The following CMPK1 variants were observed in gnomAD, a reference collection of about 807,000 sequenced individuals.
CMPK1 encodes the protein cytidine/uridine monophosphate kinase 1, also known as UMP-CMP kinase.
In CMPK1, 10 loss-of-function variants were observed where a neutral mutation model predicts 25.7. The observed-to-expected ratio is 0.39, with a 90% CI of 0.24 to 0.66. The LOEUF is 0.66. CMPK1 is among the 30% of genes least tolerant of loss of function. The pLI is 0.48. For synonymous variants in CMPK1, 106 were observed against 101.5 expected (o/e 1.04, Z -0.27); for missense variants, 199 against 280.5 (o/e 0.71, Z 2.08).
At chr1:47,351,042 G>T (rs1646519517) in intron 1 of CMPK1, among the ~76,000 whole-genome samples, 1 of 152,004 alleles carries the variant, frequency 6.6e-6, no homozygotes, top group African/African-American at 2.4e-5. Context: ...TATGATACTT[G>T]TCATTTTGTG....
At position 47,334,101 on chromosome 1, in the gene CMPK1, C is replaced by G; in HGVS notation, c.156C>G (p.Cys52Trp). The change falls in exon 1 of 6, where the codon TGC (cysteine) becomes TGG (tryptophan). Residue 52 changes from cysteine to tryptophan, a missense_variant. Cys to Trp is a radical substitution (Grantham distance 215). Transcript: ENST00000371873. ...GGPGAGKGTQ[C>W]ARIVEKYGYT... ...CCGGCGCCGGCAAGGGGACCCAGTG[C>G]GCCCGCATCGTCGAGGTGAGGCCCG... is the stretch of plus-strand genomic sequence containing the variant. 6.6e-7 allele frequency: 1 copy of G among 1,519,810 alleles called. No homozygotes were observed. Among genetic ancestry groups the G allele is most frequent in the African/African-American group, 1.4e-5 (1 of 70,528 alleles). 94.1% of individuals were successfully genotyped at this position (1,519,810 alleles called of 1,614,324 possible). A position where few individuals can be genotyped will look rare whatever the true frequency, so the allele number is the denominator to read the frequency against.
chr1:47,376,921 A>G lies in CMPK1; in HGVS notation c.*176A>G. The G allele has an allele frequency of 2.2e-6, 1 of 448,726 alleles. No homozygotes were observed. The highest frequency in any genetic ancestry group is 2.0e-5 in the African/African-American group (1 of 49,654). 27.8% of individuals were successfully genotyped at this position (448,726 alleles called of 1,614,324 possible). On this transcript the variant is annotated 3_prime_UTR_variant, in exon 6 of 6. Transcript: ENST00000371873. The stretch of plus-strand genomic sequence containing the variant: ...TGTTCTTTTTTTTGGTCACAGGAGT[A>G]GACAGTGAATTCAGGTTTAACTTCA...
intron 1 of CMPK1, among the ~76,000 whole-genome samples, chr1:47,350,000 T>A (rs1646511858): frequency 6.6e-6 from 1 of 152,174 alleles, no homozygotes; most frequent in African/African-American, 2.4e-5. Flanking sequence ...TAGATGGAGT[T>A]TCGCCATGTT....
At chr1:47,363,422 G>T (rs1646617043) in intron 1 of CMPK1, among the ~76,000 whole-genome samples, 1 of 152,104 alleles carries the variant, frequency 6.6e-6, no homozygotes, top group Non-Finnish European at 1.5e-5. Flanking sequence ...GAGGTCAGGA[G>T]TTCAAGACCA....
intron 1 of CMPK1, among the ~76,000 whole-genome samples, chr1:47,363,270 C>T (rs538704680): frequency 8.5e-5 from 13 of 152,206 alleles, no homozygotes; most frequent in African/African-American, 2.2e-4. Context: ...ATTGTAAAGT[C>T]GAAAAATCCT....
intron 1 of CMPK1, among the ~76,000 whole-genome samples, chr1:47,344,862 C>CT (rs1646471140): frequency 6.6e-6 from 1 of 151,660 alleles, no homozygotes; most frequent in African/African-American, 2.4e-5. Context: ...AGTGTAATGT[C>CT]TTTAAGGGTG....
In CMPK1 at chr1:47,333,934, G is replaced by C. The variant is rs768383518; in HGVS notation, c.-12G>C. ...CTGTCAGCTCCCTCAGCGTCCGGCC[G>C]AGGCGCGGTGTATGCTGAGCCGCTG... is the stretch of plus-strand genomic sequence containing the variant. On this transcript the variant is annotated 5_prime_UTR_variant, in exon 1 of 6. Transcript: ENST00000371873. The C allele has an allele frequency of 7.4e-7, 1 of 1,352,478 alleles. No individual in the cohort carries two copies. Among genetic ancestry groups the C allele is most frequent in the Non-Finnish European group, 9.7e-7 (1 of 1,036,242 alleles). The allele number at this position is 1,352,478 out of a possible 1,614,324, so 83.8% of individuals were successfully genotyped here.
At chr1:47,339,047 C>CTTTTTT (rs397965092) in intron 1 of CMPK1, among the ~76,000 whole-genome samples, 2 of 142,872 alleles carry the variant, frequency 1.4e-5, no homozygotes, top group African/African-American at 2.6e-5. Context: ...ACCCAGAAAA[C>CTTTTTT]TTTTTTTTTT....
chr1:47,334,082 C>G lies in CMPK1; in HGVS notation c.137C>G (p.Ala46Gly). The change falls in exon 1 of 6, where the codon GCC (alanine) becomes GGC (glycine). Residue 46 changes from alanine (A) to glycine (G), a missense_variant. By Grantham distance (60) the Ala-to-Gly change is moderately conservative (BLOSUM62 0). Transcript: ENST00000371873. ...LVVFVLGGPG[A>G]GKGTQCARIV... ...GTGTTCGTCCTCGGCGGCCCCGGCG[C>G]CGGCAAGGGGACCCAGTGCGCCCGC... The G allele has an allele frequency of 6.5e-7, 1 of 1,538,236 alleles. No homozygotes were observed. Among genetic ancestry groups the G allele is most frequent in the Non-Finnish European group, 8.8e-7 (1 of 1,141,476 alleles).
intron 1 of CMPK1, among the ~76,000 whole-genome samples, chr1:47,350,089 A>G (rs540398801): frequency 6.6e-6 from 1 of 152,292 alleles, no homozygotes; most frequent in East Asian, 1.9e-4. Context: ...TATAGGCATG[A>G]GCCATCTTGC....
At chr1:47,338,574 T>C (rs529927406) in intron 1 of CMPK1, among the ~76,000 whole-genome samples, 20 of 126,944 alleles carry the variant, frequency 1.6e-4, no homozygotes, top group African/African-American at 5.5e-4. Context: ...CCTCCCTCTC[T>C]CCTTCCCTCC....
intron 1 of CMPK1, among the ~76,000 whole-genome samples, chr1:47,349,013 G>A (rs539005216): frequency 9.2e-5 from 14 of 152,288 alleles, no homozygotes; most frequent in African/African-American, 3.4e-4. Context: ...AGTGGAAATG[G>A]TAATGTTTCA....
rs189322542 is a variant in CMPK1 at position 47,357,185 on chromosome 1, G to A, written c.172-11284G>A. 2.8e-3 allele frequency among the ~76,000 whole-genome samples: 425 copies of A among 151,526 alleles called. 3 individuals are homozygous for A. Among genetic ancestry groups the A allele is most frequent in the African/African-American group, 9.6e-3 (396 of 41,272 alleles). Reference sequence around the variant, plus strand: ...TCACCGTGTTAGCCAGGATGGTCTCGATCTTCTGACCTGGTGATCTGCCTG... The same window carrying A: ...TCACCGTGTTAGCCAGGATGGTCTCAATCTTCTGACCTGGTGATCTGCCTG... On this transcript the variant is annotated intron_variant, in intron 1 of 5. Transcript: ENST00000371873.
intron 1 of CMPK1, chr1:47,358,320 A>C: frequency 1.5e-6 from 1 of 688,350 alleles, no homozygotes; most frequent in South Asian, 1.5e-5. Context: ...GCTATGGTGC[A>C]TAGGCTGATC....
chr1:47,358,187 C>T, intron 1 of CMPK1: 1 of 407,320 alleles, frequency 2.5e-6, no homozygotes, highest in Non-Finnish European at 4.8e-6. Flanking sequence ...TTATAGCTTA[C>T]TGCCGCCTCT....
At chr1:47,370,118 C>T (rs1207200402) in intron 2 of CMPK1, among the ~76,000 whole-genome samples, 23 of 150,536 alleles carry the variant, frequency 1.5e-4, no homozygotes, top group African/African-American at 5.4e-4. Flanking sequence ...GGGGTTTCAC[C>T]GTGTTAGCCA....
At chr1:47,358,401 C>T (rs1444442802) in intron 1 of CMPK1, 1 of 1,271,494 alleles carries the variant, frequency 7.9e-7, no homozygotes, top group South Asian at 1.3e-5. Flanking sequence ...GCATGAGCCA[C>T]AGTGCGTAGT....
intron 1 of CMPK1, among the ~76,000 whole-genome samples, chr1:47,363,942 A>G (rs1314112998): frequency 6.7e-6 from 1 of 150,220 alleles, no homozygotes; most frequent in Non-Finnish European, 1.5e-5. Flanking sequence ...GATTCCGTCT[A>G]AAAGGAAAAA....
intron 1 of CMPK1, among the ~76,000 whole-genome samples, chr1:47,364,984 C>T (rs1342626607): frequency 6.6e-6 from 1 of 152,042 alleles, no homozygotes; most frequent in African/African-American, 2.4e-5. Context: ...TGGTCTTGAG[C>T]GTCTGACCTC....
Sources: allele counts gnomAD v4.1 joint callset (sites outside exome capture counted in the v4.1 genomes callset), GRCh38; gene constraint gnomAD v4.1.1; transcripts MANE v1.5; gene names NCBI Gene and HGNC (gene_info 2026-07-23, HGNC 2026-07-21).